MPPED2: variants seen among roughly 807,000 people sequenced by gnomAD.
The protein encoded by MPPED2 is metallophosphoesterase MPPED2.
A neutral mutation model predicts 33.0 loss-of-function variants in MPPED2; 5 were observed. The observed-to-expected ratio is 0.15, with a 90% confidence interval of 0.08 to 0.32. The LOEUF is 0.32. Ranked by LOEUF, MPPED2 falls within the 10% of genes least tolerant of loss-of-function variation. The probability of loss-of-function intolerance (pLI) is 1.00; values close to 1 mark genes in which losing one functional copy is unlikely to be tolerated. For synonymous variants in MPPED2, 136 were observed against 141.9 expected (o/e 0.96, Z 0.29); for missense variants, 275 against 372.1 (o/e 0.74, Z 2.15).
rs138318412 is a variant in MPPED2 at position 30,472,136 on chromosome 11, G to A, written c.536+23160C>T. Among the ~76,000 whole-genome samples, 333 of 152,288 alleles carry A rather than the reference G, an allele frequency of 2.2e-3. 1 individual carries two copies. The highest frequency in any genetic ancestry group is 7.8e-3 in the African/African-American group (324 of 41,570). The stretch of plus-strand genomic sequence containing the variant: ...CCCAGCACTTTGCGGGGGCAAGGCT[G>A]GAGGACAGTTTCAGTCTAACAATTT... On this transcript the variant is annotated intron_variant, in intron 4 of 6. Transcript: ENST00000358117.
At chr11:30,579,764 A>G (rs1191914227) in intron 2 of MPPED2, among the ~76,000 whole-genome samples, 1 of 152,080 alleles carries the variant, frequency 6.6e-6, no homozygotes, top group Admixed American at 6.6e-5. Flanking sequence ...CAGTAGCTGG[A>G]CAATTAGTCC....
At chr11:30,528,683 T>C (rs959553988) in intron 3 of MPPED2, among the ~76,000 whole-genome samples, 1 of 152,214 alleles carries the variant, frequency 6.6e-6, no homozygotes, top group African/African-American at 2.4e-5. Flanking sequence ...GGTCTCGAAC[T>C]CCTGGGCTCA....
In MPPED2 at chr11:30,495,029, C is replaced by A. The variant is rs563455159; in HGVS notation, c.536+267G>T. On this transcript the variant is annotated intron_variant, in intron 4 of 6. Transcript: ENST00000358117. ...ATTTTATCAGTGGGAGGTCCTGGAC[C>A]AATACCCCATGGACACTGAGGGAGG... The A allele has an allele frequency of 2.0e-4, 84 of 425,426 alleles. No homozygotes were observed. The South Asian group carries it at 2.8e-3, about 14-fold the overall frequency. 26.4% of individuals were successfully genotyped at this position (425,426 alleles called of 1,614,324 possible).
chr11:30,525,445 T>C (rs1032093952), intron 3 of MPPED2, among the ~76,000 whole-genome samples: 4 of 152,184 alleles, frequency 2.6e-5, no homozygotes, highest in African/African-American at 9.7e-5. Context: ...TTTCATACAG[T>C]AAAATTCCTA....
intron 1 of MPPED2, chr11:30,584,696 G>C (rs1050457391): frequency 6.6e-6 from 1 of 152,536 alleles, no homozygotes; most frequent in Middle Eastern, 3.4e-3. Flanking sequence ...TCCCGGGCGC[G>C]TTGGCATCCC....
chr11:30,479,111 C>G (rs1951358512), intron 4 of MPPED2, among the ~76,000 whole-genome samples: 1 of 152,028 alleles, frequency 6.6e-6, no homozygotes, highest in Non-Finnish European at 1.5e-5. Context: ...TTATCCTAAA[C>G]TAGGCTGAAT....
intron 2 of MPPED2, among the ~76,000 whole-genome samples, chr11:30,540,182 A>C (rs1195703040): frequency 1.3e-5 from 2 of 152,208 alleles, no homozygotes; most frequent in Admixed American, 6.5e-5. Flanking sequence ...AAATGGGAAT[A>C]ATAATGCCTA....
intron 2 of MPPED2, among the ~76,000 whole-genome samples, chr11:30,559,107 A>G (rs868174863): frequency 8.5e-5 from 13 of 152,338 alleles, no homozygotes; most frequent in Middle Eastern, 3.4e-3. Context: ...CAAATCACAG[A>G]GAAGAGCTTC....
At chr11:30,389,841 C>T (rs944922573) in intron 6 of MPPED2, among the ~76,000 whole-genome samples, 11 of 152,138 alleles carry the variant, frequency 7.2e-5, no homozygotes, top group African/African-American at 2.7e-4. Flanking sequence ...CTAATGTTCT[C>T]CCTAAAGACC....
intron 6 of MPPED2, among the ~76,000 whole-genome samples, chr11:30,390,522 C>T (rs975148777): frequency 6.6e-6 from 1 of 152,200 alleles, no homozygotes; most frequent in Admixed American, 6.5e-5. Context: ...AGGCCGGAGT[C>T]TGGAGAATAT....
intron 2 of MPPED2, among the ~76,000 whole-genome samples, chr11:30,553,736 G>T (rs1172956027): frequency 6.6e-6 from 1 of 152,280 alleles, no homozygotes; most frequent in Non-Finnish European, 1.5e-5. Flanking sequence ...CAAGCCACAT[G>T]CGGGAGGGAT....
At chr11:30,424,240 G>A (rs1055970168) in intron 4 of MPPED2, among the ~76,000 whole-genome samples, 4 of 152,184 alleles carry the variant, frequency 2.6e-5, no homozygotes, top group Non-Finnish European at 5.9e-5. Flanking sequence ...GGGGTGAAGA[G>A]AGGTTCACCG....
chr11:30,452,217 T>G, intron 4 of MPPED2: 1 of 373,764 alleles, frequency 2.7e-6, no homozygotes, highest in Non-Finnish European at 3.7e-6. Flanking sequence ...GCACTCTGGC[T>G]GCACTGACCC....
chr11:30,533,432 C>T (rs189146800), intron 3 of MPPED2, among the ~76,000 whole-genome samples: 2 of 152,172 alleles, frequency 1.3e-5, no homozygotes, highest in Admixed American at 6.5e-5. Flanking sequence ...CAAATGCCTA[C>T]CAAATCTGTG....
chr11:30,502,158 A>C (rs1295478664), intron 3 of MPPED2, among the ~76,000 whole-genome samples: 6 of 152,180 alleles, frequency 3.9e-5, no homozygotes, highest in Non-Finnish European at 8.8e-5. Context: ...GCCACTTACT[A>C]AGTGCAGTCA....
intron 6 of MPPED2, among the ~76,000 whole-genome samples, chr11:30,400,094 T>C (rs1412443597): frequency 6.6e-6 from 1 of 152,174 alleles, no homozygotes; most frequent in Non-Finnish European, 1.5e-5. Flanking sequence ...CTTTTTAATT[T>C]CTTAGAGATA....
At chr11:30,492,055 GC>G (rs1172389104) in intron 4 of MPPED2, among the ~76,000 whole-genome samples, 1 of 152,158 alleles carries the variant, frequency 6.6e-6, no homozygotes, top group Non-Finnish European at 1.5e-5. Context: ...ACTGATTAGT[GC>G]TTATTTTCTT....
At chr11:30,399,664 C>T (rs533112739) in intron 6 of MPPED2, among the ~76,000 whole-genome samples, 1 of 152,242 alleles carries the variant, frequency 6.6e-6, no homozygotes, top group South Asian at 2.1e-4. Context: ...GCAAAGACCT[C>T]ATTCATGTAG....
intron 3 of MPPED2, among the ~76,000 whole-genome samples, chr11:30,528,387 C>G (rs1954323733): frequency 6.6e-6 from 1 of 152,056 alleles, no homozygotes; most frequent in African/African-American, 2.4e-5. Flanking sequence ...TTTTGAGTAG[C>G]TGGAGCTATA....
Sources: gnomAD v4.1 joint callset for allele counts (sites outside exome capture counted in the v4.1 genomes callset) on GRCh38, gnomAD v4.1.1 for gene constraint, MANE v1.5 for transcripts, NCBI Gene and HGNC (gene_info 2026-07-23, HGNC 2026-07-21) for gene names.